EML6: variants seen among roughly 807,000 people sequenced by gnomAD.
EML6 encodes EMAP like 6, also known as echinoderm microtubule-associated protein-like 6.
EML6 carries 154 observed loss-of-function variants against 240.1 expected under a neutral mutation model. The ratio of observed to expected loss-of-function variants is 0.64; its 90% CI spans 0.56 to 0.73. The LOEUF (loss-of-function observed/expected upper bound fraction) is 0.73, where lower values mean the gene tolerates loss of function less well. Ranked by LOEUF, EML6 falls within the 30% of genes least tolerant of loss-of-function variation. The probability of loss-of-function intolerance (pLI) is 0.00; values close to 1 mark genes in which losing one functional copy is unlikely to be tolerated. For missense variants in EML6, 2,964 were observed against 2,474.6 expected (o/e 1.20, Z -4.20); for synonymous variants, 1,148 against 899.0 (o/e 1.28, Z -4.95).
chr2:54,921,475 TAATATTGTTAAA>T (rs1674249433), intron 26 of EML6, among the ~76,000 whole-genome samples: 2 of 152,078 alleles, frequency 1.3e-5, no homozygotes, highest in Admixed American at 6.6e-5. Flanking sequence ...GTGGAAGAAC[TAATATTGTTAAA>T]ATGTTCACAC....
intron 13 of EML6, among the ~76,000 whole-genome samples, chr2:54,864,897 C>T (rs539884015): frequency 3.3e-5 from 5 of 152,306 alleles, no homozygotes; most frequent in African/African-American, 1.2e-4. Flanking sequence ...CGTACCAAGA[C>T]AGTTTAATGG....
intron 26 of EML6, 23 bp downstream of exon 26, chr2:54,916,958 T>TAATA (rs1434527924): frequency 6.6e-7 from 1 of 1,508,086 alleles, no homozygotes; most frequent in Non-Finnish European, 9.0e-7. Context: ...GTTTATTATC[T>TAATA]TTACTTGCTC....
chr2:54,888,534 G>A (rs942355591), intron 17 of EML6, among the ~76,000 whole-genome samples: 6 of 152,122 alleles, frequency 3.9e-5, no homozygotes, highest in African/African-American at 1.2e-4. Flanking sequence ...TCCCTCCTCT[G>A]TATACTGTGG....
At chr2:54,833,679 A>G (rs1668989260) in intron 7 of EML6, among the ~76,000 whole-genome samples, 1 of 152,216 alleles carries the variant, frequency 6.6e-6, no homozygotes, top group Non-Finnish European at 1.5e-5. Context: ...TCCCTCAGTG[A>G]AAGGGAATTG....
rs930835827 is a variant in EML6, at chr2:54,935,272, G to A, written c.4004+6521G>A. ...TTGGTGTTCCTGTCCTGTGAATGGC[G>A]TCTGGGCTCTATGAGTACACATAAG... On this transcript the variant is annotated intron_variant, in intron 28 of 41. Transcript: ENST00000356458. Among the ~76,000 whole-genome samples, 12 of 152,262 alleles carry A rather than the reference G, an allele frequency of 7.9e-5. No homozygotes were observed. In the South Asian group the frequency reaches 8.3e-4, roughly 11 times the overall value.
At chr2:54,753,569 C>G (rs1271813639) in intron 2 of EML6, among the ~76,000 whole-genome samples, 1 of 151,898 alleles carries the variant, frequency 6.6e-6, no homozygotes, top group Non-Finnish European at 1.5e-5. Context: ...GACCTGCTAG[C>G]CAAGAAATGT....
At chr2:54,893,225 C>T (rs918600633) in intron 19 of EML6, among the ~76,000 whole-genome samples, 1 of 152,168 alleles carries the variant, frequency 6.6e-6, no homozygotes, top group African/African-American at 2.4e-5. Flanking sequence ...ACAAAGATTA[C>T]ACTTACCTTC....
At chr2:54,767,725 C>G (rs967189257) in intron 2 of EML6, among the ~76,000 whole-genome samples, 1 of 151,782 alleles carries the variant, frequency 6.6e-6, no homozygotes, top group African/African-American at 2.4e-5. Flanking sequence ...ATTGCCCAGG[C>G]TGGTGTCGAA....
intron 2 of EML6, among the ~76,000 whole-genome samples, chr2:54,727,092 T>C (rs1015675948): frequency 2.6e-5 from 4 of 152,198 alleles, no homozygotes; most frequent in African/African-American, 7.2e-5. Flanking sequence ...GAAATCTAGC[T>C]TGGGTGGTTA....
Position 54,968,336 on chromosome 2 carries a change from G to A in EML6, c.5751+55G>A, listed in dbSNP as rs191236897. 499 of 1,509,946 alleles carry A rather than the reference G, an allele frequency of 3.3e-4. No homozygotes were observed. In the African/African-American group the frequency reaches 6.0e-3, roughly 18 times the overall value. 93.5% of individuals were successfully genotyped at this position (1,509,946 alleles called of 1,614,324 possible). A position where few individuals can be genotyped will look rare whatever the true frequency, so the allele number is the denominator to read the frequency against. On this transcript the variant is annotated intron_variant, in intron 40 of 41. Transcript: ENST00000356458. ...AGGTTCTCTGTTTGGCCGTCTGCAG[G>A]AGATAGGGGCCACGTCTAGATGGCC...
At chr2:54,845,772 G>A (rs989495331) in intron 8 of EML6, among the ~76,000 whole-genome samples, 1 of 152,158 alleles carries the variant, frequency 6.6e-6, no homozygotes, top group Non-Finnish European at 1.5e-5. Flanking sequence ...GCTATTTACT[G>A]TGCAGCTCAG....
Position 54,871,610 on chromosome 2 carries a change from G to C in EML6, c.2344+5G>C, listed in dbSNP as rs1455753154. 2 of 1,539,244 alleles carry C rather than the reference G, an allele frequency of 1.3e-6. No homozygotes were observed. Among genetic ancestry groups the C allele is most frequent in the African/African-American group, 2.7e-5 (2 of 72,852 alleles). On this transcript the variant is annotated splice_donor_5th_base_variant and intron_variant, in intron 16 of 41. Coordinates refer to ENST00000356458, the MANE Select transcript of EML6 (RefSeq NM_001039753.4). ...TGTGTGCACTTGATTTTTCAGGTAA[G>C]GTCCAGAGTGATTGACACATGGTTC...
At chr2:54,844,270 C>A (rs1226079878) in intron 8 of EML6, 22 bp downstream of exon 8, 1 of 1,539,852 alleles carries the variant, frequency 6.5e-7, no homozygotes, top group Non-Finnish European at 8.8e-7. Context: ...CCGCCGTCAC[C>A]TCTCTGACTT....
chr2:54,776,844 C>T (rs1036105546), intron 2 of EML6, among the ~76,000 whole-genome samples: 2 of 151,974 alleles, frequency 1.3e-5, no homozygotes, highest in African/African-American at 2.4e-5. Flanking sequence ...TATACTGGGA[C>T]CCTGGTGAGG....
At chr2:54,827,488 A>T in intron 5 of EML6, 78 bp from the exon 6 acceptor site, 1 of 1,191,122 alleles carries the variant, frequency 8.4e-7, no homozygotes, top group Non-Finnish European at 1.2e-6. Context: ...TGTGAAATGC[A>T]CTGAAGTATA....
intron 7 of EML6, among the ~76,000 whole-genome samples, chr2:54,831,101 T>G (rs942635653): frequency 1.3e-5 from 2 of 152,168 alleles, no homozygotes; most frequent in Non-Finnish European, 2.9e-5. Flanking sequence ...CAAAAATGTT[T>G]GGTCCTGAAC....
chr2:54,839,314 C>T (rs1478637177), intron 7 of EML6, among the ~76,000 whole-genome samples: 1 of 152,186 alleles, frequency 6.6e-6, no homozygotes, highest in African/African-American at 2.4e-5. Context: ...AACATGAATA[C>T]AGCTTTTGAC....
intron 35 of EML6, among the ~76,000 whole-genome samples, chr2:54,960,860 C>T (rs951308659): frequency 3.3e-5 from 5 of 152,090 alleles, no homozygotes; most frequent in African/African-American, 9.7e-5. Flanking sequence ...CCACCTGGAG[C>T]TGGTGAATCA....
At chr2:54,818,223 A>C (rs902584901) in intron 4 of EML6, among the ~76,000 whole-genome samples, 1 of 150,158 alleles carries the variant, frequency 6.7e-6, no homozygotes, top group Admixed American at 6.6e-5. Context: ...AAAATAGCCT[A>C]ATGTAATCAC....
Sources: gnomAD v4.1 joint callset for allele counts (sites outside exome capture counted in the v4.1 genomes callset) on GRCh38, gnomAD v4.1.1 for gene constraint, MANE v1.5 for transcripts, NCBI Gene and HGNC (gene_info 2026-07-23, HGNC 2026-07-21) for gene names.